Variants in SPOCK2 observed in about 807,000 individuals in gnomAD.
SPOCK2 encodes SPARC (osteonectin), cwcv and kazal like domains proteoglycan 2.
A neutral mutation model predicts 60.1 loss-of-function variants in SPOCK2; 39 were observed. The ratio of observed to expected loss-of-function variants is 0.65; its 90% CI spans 0.50 to 0.85. The LOEUF (loss-of-function observed/expected upper bound fraction) is 0.85, where lower values mean the gene tolerates loss of function less well. Among genes scored for constraint, SPOCK2 ranks in the 40% least tolerant of loss-of-function variants. SPOCK2 has a pLI of 0.00. For synonymous variants in SPOCK2, 217 were observed against 231.5 expected (o/e 0.94, Z 0.57); for missense variants, 523 against 567.4 (o/e 0.92, Z 0.80).
At chr10:72,085,792 T>C (rs577017420) in intron 1 of SPOCK2, among the ~76,000 whole-genome samples, 1 of 152,174 alleles carries the variant, frequency 6.6e-6, no homozygotes, top group Non-Finnish European at 1.5e-5. Context: ...GCTGGCCTAA[T>C]GGAAATATAA....
Position 72,087,106 on chromosome 10 carries a change from C to G in SPOCK2, c.189+1034G>C. 1 of 1,159,040 alleles carries G rather than the reference C, an allele frequency of 8.6e-7. No individual in the cohort carries two copies. Among genetic ancestry groups the G allele is most frequent in the Non-Finnish European group, 1.2e-6 (1 of 834,826 alleles). 71.8% of individuals were successfully genotyped at this position (1,159,040 alleles called of 1,614,324 possible). A position where few individuals can be genotyped will look rare whatever the true frequency, so the allele number is the denominator to read the frequency against. On this transcript the variant is annotated intron_variant, in intron 1 of 10. Coordinates refer to ENST00000373109, the MANE Select transcript of SPOCK2 (RefSeq NM_001244950.2). This position sits in a 1 kb window ranked among gnomAD's most constrained non-coding sequence, Gnocchi z 4.7. Reference sequence around the variant, plus strand: ...GCGTCGCCTCTGGCGCATCCGGGCCCATCCCCCACAGCACCCCCAACGATC... The same window carrying G: ...GCGTCGCCTCTGGCGCATCCGGGCCGATCCCCCACAGCACCCCCAACGATC...
Position 72,059,560 on chromosome 10 carries a change from C to G in SPOCK2, c.*3200G>C, listed in dbSNP as rs1840465198. On this transcript the variant is annotated 3_prime_UTR_variant, in exon 11 of 11. Transcript: ENST00000373109. ...GTATCAAAGCTCAGCCATTTGTTCT[C>G]CCCAGGGGCTGAGGGCTCGGGCTTT... 1 of 152,254 alleles carries G rather than the reference C, an allele frequency of 6.6e-6. No individual in the cohort carries two copies. The highest frequency in any genetic ancestry group is 2.1e-4 in the South Asian group (1 of 4,834). 9.4% of individuals were successfully genotyped at this position (152,254 alleles called of 1,614,324 possible). A position where few individuals can be genotyped will look rare whatever the true frequency, so the allele number is the denominator to read the frequency against.
intron 1 of SPOCK2, among the ~76,000 whole-genome samples, chr10:72,085,525 C>T (rs1432158934): frequency 1.3e-5 from 2 of 152,216 alleles, no homozygotes; most frequent in African/African-American, 4.8e-5. Flanking sequence ...ATTCTCCTGA[C>T]CCTTTCAACC....
chr10:72,072,589 G>A (rs754322322), intron 2 of SPOCK2, 41 bp from the exon 3 acceptor site: 1 of 1,613,150 alleles, frequency 6.2e-7, no homozygotes, highest in East Asian at 2.2e-5. Context: ...GAAAGGCTAA[G>A]ATCCATATCC....
chr10:72,065,634 C>T (rs7898496), intron 8 of SPOCK2, among the ~76,000 whole-genome samples: 14,189 of 152,308 alleles, frequency 0.093, 685 homozygotes, highest in Admixed American at 0.15. Context: ...AGCTGGAAGC[C>T]TGCCTGGTTG....
intron 8 of SPOCK2, 96 bp from the exon 9 acceptor site, chr10:72,064,336 G>T: frequency 7.5e-7 from 1 of 1,338,964 alleles, no homozygotes; most frequent in Non-Finnish European, 9.8e-7. Flanking sequence ...CAGGGGCTCT[G>T]CAAGATGAAA....
chr10:72,088,223 CG>C lies in SPOCK2; in HGVS notation c.105del (p.Gly36AlafsTer58). On this transcript the variant is annotated frameshift_variant, in exon 1 of 11. Transcript: ENST00000373109. LOFTEE classifies it high-confidence loss of function. ...CATTGCTCGTCCTCCATGAAATTGCCGGGGGTCTCGCCCTCCTTGAGCCCCT... is the reference window on the plus strand; with the variant it reads ...CATTGCTCGTCCTCCATGAAATTGCCGGGGTCTCGCCCTCCTTGAGCCCCT... ...DAKGLKEGETPGNFMEDEQWL... is the reference protein window; with the variant it reads ...DAKGLKEGETXGNFMEDEQWL... 2 of 1,612,574 alleles carry C rather than the reference CG, an allele frequency of 1.2e-6. No homozygotes were observed. Among genetic ancestry groups the C allele is most frequent in the Non-Finnish European group, 1.7e-6 (2 of 1,179,654 alleles).
rs1429248516 is a variant in SPOCK2 at position 72,067,119 on chromosome 10, C to T, written c.711G>A (p.Gly237=). Residue 237 remains glycine (G), a splice_region_variant and synonymous_variant, in exon 8 of 11, where the codon GGG becomes GGA. Coordinates refer to ENST00000373109, the MANE Select transcript of SPOCK2 (RefSeq NM_001244950.2). ...SASSVAGPAS[G]LDKSLGASCK... is the part of the protein sequence containing the mutation. ...AGCTGGCCCCCAGGCTCTTGTCCAGCCCTGGGAAAAGATCAGGTTCAGGCA... is the reference window on the plus strand; with the variant it reads ...AGCTGGCCCCCAGGCTCTTGTCCAGTCCTGGGAAAAGATCAGGTTCAGGCA... The T allele has an allele frequency of 6.2e-7, 1 of 1,613,184 alleles. No homozygotes were observed. The highest frequency in any genetic ancestry group is 1.3e-5 in the African/African-American group (1 of 75,028).
rs1029379953 is a variant in SPOCK2, at chr10:72,087,158, G to A, written c.189+982C>T. Among the ~76,000 whole-genome samples, 11 of 149,410 alleles carry A rather than the reference G, an allele frequency of 7.4e-5. No individual in the cohort carries two copies. Among genetic ancestry groups the A allele is most frequent in the Non-Finnish European group, 1.6e-4 (11 of 67,210 alleles). On this transcript the variant is annotated intron_variant, in intron 1 of 10. Coordinates refer to ENST00000373109, the MANE Select transcript of SPOCK2 (RefSeq NM_001244950.2). This position sits in a 1 kb window ranked among gnomAD's most constrained non-coding sequence, Gnocchi z 4.7. ...CGGGGTCCAGCCACACCCTCCGCCC[G>A]CCCTGCCTCACCCCTGCTTCCCCAG...
intron 5 of SPOCK2, chr10:72,068,793 T>G: frequency 6.5e-6 from 1 of 154,076 alleles, no homozygotes. Flanking sequence ...CATCTAACAA[T>G]TCCTCGGCCT....
Position 72,087,067 on chromosome 10 carries a change from G to T in SPOCK2, c.189+1073C>A. On this transcript the variant is annotated intron_variant, in intron 1 of 10. Transcript: ENST00000373109. The surrounding 1 kb of genome is among the most constrained non-coding windows in gnomAD (Gnocchi z 4.7). ...TCAGGGCCGCGGTGAGCACCAGGTCGCCAGGAGCAGCCGGCGTCGCCTCTG... is the reference window on the plus strand; with the variant it reads ...TCAGGGCCGCGGTGAGCACCAGGTCTCCAGGAGCAGCCGGCGTCGCCTCTG... 1 of 1,486,124 alleles carries T rather than the reference G, an allele frequency of 6.7e-7. No individual in the cohort carries two copies. The highest frequency in any genetic ancestry group is 9.0e-7 in the Non-Finnish European group (1 of 1,107,478). 92.1% of individuals were successfully genotyped at this position (1,486,124 alleles called of 1,614,324 possible).
rs192586436 is a variant in SPOCK2 at position 72,075,817 on chromosome 10, A to C, written c.190-2907T>G. ...GATTCCAGGACCCTCACTCCCAGGAAAGCAAAGGCAGCCAGCCAGAGAGGG... is the reference window on the plus strand; with the variant it reads ...GATTCCAGGACCCTCACTCCCAGGACAGCAAAGGCAGCCAGCCAGAGAGGG... On this transcript the variant is annotated intron_variant, in intron 1 of 10. Transcript: ENST00000373109. 4.6e-4 allele frequency among the ~76,000 whole-genome samples: 70 copies of C among 152,210 alleles called. No homozygotes were observed. The East Asian group carries it at 0.013, about 28-fold the overall frequency.
At chr10:72,066,285 A>T (rs1466454536) in intron 8 of SPOCK2, among the ~76,000 whole-genome samples, 1 of 151,642 alleles carries the variant, frequency 6.6e-6, no homozygotes, top group Admixed American at 6.6e-5. Context: ...CCCCTTCCCA[A>T]GCCCTCTGAG....
intron 1 of SPOCK2, among the ~76,000 whole-genome samples, chr10:72,078,369 T>G (rs965030656): frequency 1.7e-4 from 26 of 151,556 alleles, no homozygotes; most frequent in Non-Finnish European, 3.4e-4. Context: ...AAAATAGCCG[T>G]GTGTGATGGC....
intron 2 of SPOCK2, 129 bp from the exon 3 acceptor site, chr10:72,072,677 ACCCCTGT>A (rs1840665226): frequency 5.0e-6 from 7 of 1,408,636 alleles, no homozygotes; most frequent in Non-Finnish European, 6.9e-6. Context: ...CTGGTGGCTG[ACCCCTGT>A]CCACCCAGGC....
chr10:72,086,854 T>C, intron 1 of SPOCK2: 1 of 1,548,210 alleles, frequency 6.5e-7, no homozygotes, highest in Non-Finnish European at 8.7e-7. Context: ...CCTCTTCCCA[T>C]CACTTGGCTG....
rs1202867361 is a variant in SPOCK2 at position 72,064,250 on chromosome 10, G to T, written c.929-10C>A. 3.8e-6 allele frequency: 6 copies of T among 1,587,850 alleles called. No individual in the cohort carries two copies. The highest frequency in any genetic ancestry group is 5.1e-6 in the Non-Finnish European group (6 of 1,170,548). ...GCCAGGCAGGGGGGCTCTGTGGGGA[G>T]AGAAGCAGCCTCTGATGGGACTGTC... On this transcript the variant is annotated splice_polypyrimidine_tract_variant and intron_variant, in intron 8 of 10. Transcript: ENST00000373109.
chr10:72,073,326 C>A (rs1048033735), intron 1 of SPOCK2, among the ~76,000 whole-genome samples: 2 of 152,218 alleles, frequency 1.3e-5, no homozygotes, highest in South Asian at 2.1e-4. Flanking sequence ...GCCAAGGCCC[C>A]TTCCTTGTCA....
At chr10:72,064,142 CA>C (rs780832903) in intron 9 of SPOCK2, 35 bp downstream of exon 9, 20 of 1,607,650 alleles carry the variant, frequency 1.2e-5, no homozygotes, top group Admixed American at 3.4e-5. Context: ...AAGCCGTCCC[CA>C]CCTCCTCCTC....
Sources: allele counts gnomAD v4.1 joint callset (sites outside exome capture counted in the v4.1 genomes callset), GRCh38; gene constraint gnomAD v4.1.1; non-coding constraint Gnocchi (gnomAD v3.1); transcripts MANE v1.5; gene names NCBI Gene and HGNC (gene_info 2026-07-23, HGNC 2026-07-21).